The following CPNE8 variants were observed in gnomAD, a reference collection of about 807,000 sequenced individuals.
CPNE8 encodes the protein copine 8.
In CPNE8, 45 loss-of-function variants were observed where a neutral mutation model predicts 81.5. That is an observed-to-expected ratio of 0.55 (90% CI 0.44 to 0.71). The LOEUF is 0.71. Among genes scored for constraint, CPNE8 ranks in the 30% least tolerant of loss-of-function variants. The pLI is 0.00. For synonymous variants in CPNE8, 252 were observed against 226.3 expected (o/e 1.11, Z -1.02); for missense variants, 594 against 672.1 (o/e 0.88, Z 1.28).
intron 6 of CPNE8, among the ~76,000 whole-genome samples, chr12:38,817,614 C>CTTTTTTTTTTTTTTTT (rs869168296): frequency 3.3e-5 from 3 of 90,608 alleles, no homozygotes; most frequent in African/African-American, 4.3e-5. Context: ...TTAATTTATT[C>CTTTTTTTTTTTTTTTT]TTTTTTTTTT....
chr12:38,656,751 C>T (rs754555899), intron 19 of CPNE8, among the ~76,000 whole-genome samples: 7 of 152,064 alleles, frequency 4.6e-5, no homozygotes, highest in African/African-American at 2.4e-5. Context: ...AAAATTGAAG[C>T]GGGGAGCTCT....
intron 1 of CPNE8, among the ~76,000 whole-genome samples, chr12:38,902,232 G>GGAAAGAAAGAAA (rs71449477): frequency 0.012 from 1,035 of 89,662 alleles, 27 homozygotes; most frequent in African/African-American, 0.047. Flanking sequence ...AGAGAAAGAA[G>GGAAAGAAAGAAA]GAAAGAAAGA....
chr12:38,860,397 A>AAAAC (rs929688434), intron 3 of CPNE8, among the ~76,000 whole-genome samples: 10 of 151,426 alleles, frequency 6.6e-5, no homozygotes, highest in Admixed American at 5.9e-4. Context: ...AAAAAAAAAA[A>AAAAC]AAAAAAAAGG....
At chr12:38,813,329 G>C (rs1942968497) in intron 6 of CPNE8, among the ~76,000 whole-genome samples, 1 of 152,166 alleles carries the variant, frequency 6.6e-6, no homozygotes, top group South Asian at 2.1e-4. Context: ...TGGAGGTGGA[G>C]ATGGACAGAA....
intron 14 of CPNE8, among the ~76,000 whole-genome samples, chr12:38,701,612 GC>G (rs1316781708): frequency 9.9e-5 from 15 of 152,182 alleles, no homozygotes; most frequent in African/African-American, 3.6e-4. Context: ...TCCTGCCTCA[GC>G]CTCCTGAGTA....
intron 6 of CPNE8, 34 bp from the exon 7 acceptor site, chr12:38,776,335 T>C (rs766838286): frequency 2.4e-6 from 2 of 837,364 alleles, no homozygotes; most frequent in Non-Finnish European, 3.6e-6. Context: ...TATACATTAA[T>C]ATGTTATATT....
At chr12:38,858,102 T>C (rs1943774211) in intron 3 of CPNE8, among the ~76,000 whole-genome samples, 1 of 152,246 alleles carries the variant, frequency 6.6e-6, no homozygotes, top group Non-Finnish European at 1.5e-5. Flanking sequence ...GCCATCTTTA[T>C]ATAATGTAAA....
At chr12:38,756,371 T>A (rs1456547217) in intron 10 of CPNE8, among the ~76,000 whole-genome samples, 1 of 135,730 alleles carries the variant, frequency 7.4e-6, no homozygotes, top group African/African-American at 2.7e-5. Context: ...TTTTTTTTTT[T>A]AGACAGGGGT....
At chr12:38,885,805 C>G (rs949233972) in intron 1 of CPNE8, among the ~76,000 whole-genome samples, 1 of 151,892 alleles carries the variant, frequency 6.6e-6, no homozygotes, top group Non-Finnish European at 1.5e-5. Flanking sequence ...CAGTCCTCCC[C>G]CTTCTGTTCT....
At chr12:38,668,255 T>C (rs901161140) in intron 19 of CPNE8, among the ~76,000 whole-genome samples, 1 of 152,230 alleles carries the variant, frequency 6.6e-6, no homozygotes, top group African/African-American at 2.4e-5. Context: ...CTACAGATAA[T>C]GAAACAAAGA....
At chr12:38,834,786 T>C (rs1207992701) in intron 5 of CPNE8, among the ~76,000 whole-genome samples, 2 of 152,168 alleles carry the variant, frequency 1.3e-5, no homozygotes, top group Non-Finnish European at 2.9e-5. Context: ...ATCTGATTCC[T>C]ATGTATGTTT....
At chr12:38,861,649 T>C (rs1384681715) in intron 3 of CPNE8, among the ~76,000 whole-genome samples, 2 of 152,098 alleles carry the variant, frequency 1.3e-5, no homozygotes, top group East Asian at 3.8e-4. Context: ...AGAAATGCTT[T>C]ATGACAGAAT....
chr12:38,658,034 G>A (rs2136631221), intron 19 of CPNE8, among the ~76,000 whole-genome samples: 1 of 152,294 alleles, frequency 6.6e-6, no homozygotes, highest in African/African-American at 2.4e-5. Context: ...GAACAAAGAT[G>A]GATGGAGAAT....
chr12:38,878,900 C>G (rs892540852), intron 1 of CPNE8, among the ~76,000 whole-genome samples: 7 of 151,928 alleles, frequency 4.6e-5, no homozygotes, highest in African/African-American at 1.7e-4. Flanking sequence ...AACTAAACAG[C>G]AATATAGGAT....
intron 6 of CPNE8, among the ~76,000 whole-genome samples, chr12:38,784,456 T>C (rs985843187): frequency 6.6e-6 from 1 of 152,142 alleles, no homozygotes; most frequent in Non-Finnish European, 1.5e-5. Context: ...AGAAAGTTTA[T>C]TCAAAGAGAT....
At chr12:38,691,698 A>C (rs1378568314) in intron 15 of CPNE8, among the ~76,000 whole-genome samples, 1 of 152,084 alleles carries the variant, frequency 6.6e-6, no homozygotes, top group Non-Finnish European at 1.5e-5. Context: ...AGATTGGGTA[A>C]TTTATACACA....
chr12:38,698,536 G>A (rs1417915602), intron 14 of CPNE8, among the ~76,000 whole-genome samples: 1 of 152,156 alleles, frequency 6.6e-6, no homozygotes, highest in Non-Finnish European at 1.5e-5. Flanking sequence ...TATAGCATTA[G>A]CTTTTACATT....
chr12:38,718,301 G>T (rs1592034636), intron 13 of CPNE8, among the ~76,000 whole-genome samples: 1 of 152,274 alleles, frequency 6.6e-6, no homozygotes, highest in South Asian at 2.1e-4. Context: ...GTTAAAAAAG[G>T]AATATAGCTC....
chr12:38,855,764 A>G lies in CPNE8; in HGVS notation c.187-7102T>C, dbSNP rs370432347. Reference sequence around the variant, plus strand: ...TAATAATAAGTAGGTGAGGTACTGGATTTCTTAAACAACCTGATTTAATTA... The same window carrying G: ...TAATAATAAGTAGGTGAGGTACTGGGTTTCTTAAACAACCTGATTTAATTA... On this transcript the variant is annotated intron_variant, in intron 3 of 19. Coordinates refer to ENST00000331366, the MANE Select transcript of CPNE8 (RefSeq NM_153634.3). 5.9e-4 allele frequency among the ~76,000 whole-genome samples: 90 copies of G among 152,262 alleles called. 1 individual carries two copies. The South Asian group carries it at 0.018, about 30-fold the overall frequency.
Sources: gnomAD v4.1 joint callset for allele counts (sites outside exome capture counted in the v4.1 genomes callset) on GRCh38, gnomAD v4.1.1 for gene constraint, MANE v1.5 for transcripts, NCBI Gene and HGNC (gene_info 2026-07-23, HGNC 2026-07-21) for gene names.